Variants in CCDC171 observed in about 807,000 individuals in gnomAD.
CCDC171 encodes the protein coiled-coil domain-containing protein 171.
A neutral mutation model predicts 168.2 loss-of-function variants in CCDC171; 177 were observed. The ratio of observed to expected loss-of-function variants is 1.05; its 90% CI spans 0.93 to 1.19. The LOEUF is 1.19. CCDC171 is among the 50% of genes most tolerant of loss of function. The pLI is 0.00. For missense variants in CCDC171, 1,991 were observed against 1,539.0 expected, an observed-to-expected ratio of 1.29 and a Z score of -4.91; for synonymous variants, 687 against 540.8, an observed-to-expected ratio of 1.27 and a Z score of -3.75.
At position 15,666,248 on chromosome 9, in the gene CCDC171, A is replaced by G. The variant is rs887900660; in HGVS notation, c.1001A>G (p.Asn334Ser). ...GTTGCTGATTTGGAAATTATCAAGA[A>G]TGAATTCAAAGAAGTTGAAAGTGCA... ...EAVADLEIIK[N>S]EFKEVESAYE... The change falls in exon 9 of 26, where the codon AAT (asparagine) becomes AGT (serine). Residue 334 changes from asparagine (N) to serine (S), a missense_variant. Asn to Ser is a conservative substitution (Grantham distance 46). Transcript: ENST00000380701. 1.2e-6 allele frequency: 2 copies of G among 1,613,834 alleles called. No homozygotes were observed. Among genetic ancestry groups the G allele is most frequent in the Non-Finnish European group, 1.7e-6 (2 of 1,179,878 alleles).
chr9:15,834,620 G>T lies in CCDC171; in HGVS notation c.3268-12082G>T, dbSNP rs542651209. ...TGCTTTGATCTTATGGAGTGCTGGC[G>T]AGTATTATTTTCTATGTTTTAGTTC... On this transcript the variant is annotated intron_variant, in intron 21 of 25. Coordinates refer to ENST00000380701, the MANE Select transcript of CCDC171 (RefSeq NM_173550.4). 1.1e-3 allele frequency among the ~76,000 whole-genome samples: 164 copies of T among 152,254 alleles called. 1 individual carries two copies. The highest frequency in any genetic ancestry group is 3.9e-3 in the African/African-American group (161 of 41,556).
chr9:15,845,276 A>G (rs895386339), intron 21 of CCDC171, among the ~76,000 whole-genome samples: 1 of 152,032 alleles, frequency 6.6e-6, no homozygotes, highest in African/African-American at 2.4e-5. Flanking sequence ...ATCAGTGACT[A>G]TTTCTGTGGT....
At chr9:15,898,413 C>A (rs138844298) in intron 24 of CCDC171, among the ~76,000 whole-genome samples, 1 of 152,084 alleles carries the variant, frequency 6.6e-6, no homozygotes, top group South Asian at 2.1e-4. Context: ...GTGTTGCTAT[C>A]ACAGTCAGTG....
chr9:15,579,529 T>C (rs146499225), intron 4 of CCDC171, among the ~76,000 whole-genome samples: 222 of 152,324 alleles, frequency 1.5e-3, no homozygotes, highest in African/African-American at 5.2e-3. Context: ...ATGTAGCCCT[T>C]GGACTTAAAT....
intron 1 of CCDC171, among the ~76,000 whole-genome samples, chr9:16,052,294 G>A (rs1184348140): frequency 2.0e-5 from 3 of 152,090 alleles, no homozygotes; most frequent in South Asian, 2.1e-4. Context: ...TCTCCAGCAC[G>A]TCATCATGGG....
rs192863232 is a variant in CCDC171, at chr9:15,916,727, C to T, written c.3601-3543C>T. Among the ~76,000 whole-genome samples, 263 of 152,046 alleles carry T rather than the reference C, an allele frequency of 1.7e-3. 1 individual carries two copies. Among genetic ancestry groups the T allele is most frequent in the Admixed American group, 3.3e-3 (50 of 15,264 alleles). On this transcript the variant is annotated intron_variant, in intron 24 of 25. Transcript: ENST00000380701. Reference sequence around the variant, plus strand: ...TTATAACTTTTTATATTCTAATGCACGTACACTTTTAAAAAATGGATAGAT... The same window carrying T: ...TTATAACTTTTTATATTCTAATGCATGTACACTTTTAAAAAATGGATAGAT...
At chr9:16,050,753 G>A (rs563022150) in intron 1 of CCDC171, among the ~76,000 whole-genome samples, 5 of 152,284 alleles carry the variant, frequency 3.3e-5, no homozygotes, top group South Asian at 2.1e-4. Flanking sequence ...GTATATCTGC[G>A]TTTGTGAAAA....
chr9:16,017,887 G>A (rs1035746356), intron 3 of CCDC171, among the ~76,000 whole-genome samples: 2 of 152,158 alleles, frequency 1.3e-5, no homozygotes, highest in African/African-American at 2.4e-5. Context: ...GTCACAGAGA[G>A]AACTGCTCCT....
intron 5 of CCDC171, among the ~76,000 whole-genome samples, chr9:15,591,765 G>A (rs957228991): frequency 1.3e-5 from 2 of 151,928 alleles, no homozygotes; most frequent in East Asian, 1.9e-4. Context: ...AACGGTTTGC[G>A]GTCGCTAATC....
chr9:15,585,019 A>G (rs2041444777), intron 4 of CCDC171, among the ~76,000 whole-genome samples: 1 of 152,212 alleles, frequency 6.6e-6, no homozygotes, highest in Admixed American at 6.5e-5. Context: ...ATTGTCAGGG[A>G]AATGCAAATG....
chr9:15,744,368 A>G lies in CCDC171; in HGVS notation c.2145A>G (p.Lys715=), dbSNP rs1310970787. 2 of 1,614,148 alleles carry G rather than the reference A, an allele frequency of 1.2e-6. No homozygotes were observed. Among genetic ancestry groups the G allele is most frequent in the East Asian group, 2.2e-5 (1 of 44,880 alleles). The change falls in exon 17 of 26, where the codon AAA becomes AAG. Residue 715 remains lysine, a synonymous_variant. Transcript: ENST00000380701. ...QLVLENSHFK[K]LLSQTQREQM... is the part of the protein sequence containing the mutation. Reference sequence around the variant, plus strand: ...TTCTTGAAAATTCGCACTTCAAAAAACTGTTATCACAGACTCAAAGGGAAC... The same window carrying G: ...TTCTTGAAAATTCGCACTTCAAAAAGCTGTTATCACAGACTCAAAGGGAAC...
chr9:15,701,753 C>G (rs1312143136), intron 11 of CCDC171, among the ~76,000 whole-genome samples: 1 of 152,088 alleles, frequency 6.6e-6, no homozygotes, highest in East Asian at 1.9e-4. Context: ...ATGTAATATC[C>G]TAAATCCTTT....
intron 24 of CCDC171, among the ~76,000 whole-genome samples, chr9:15,893,616 A>G (rs928128057): frequency 3.3e-5 from 5 of 152,192 alleles, no homozygotes; most frequent in Admixed American, 6.6e-5. Context: ...AAAAGTGGGC[A>G]AAGAACATGA....
chr9:15,628,837 C>T (rs1229872536), intron 7 of CCDC171, among the ~76,000 whole-genome samples: 1 of 152,166 alleles, frequency 6.6e-6, no homozygotes, highest in Non-Finnish European at 1.5e-5. Context: ...ACAAAACTTC[C>T]AGAGGAACGA....
chr9:15,723,042 A>G (rs2134214462), intron 12 of CCDC171, among the ~76,000 whole-genome samples: 1 of 152,300 alleles, frequency 6.6e-6, no homozygotes, highest in South Asian at 2.1e-4. Flanking sequence ...TGGCTTAGTA[A>G]TGCGCTTTGT....
intron 1 of CCDC171, among the ~76,000 whole-genome samples, chr9:16,057,266 A>C (rs773117473): frequency 6.6e-6 from 1 of 152,224 alleles, no homozygotes; most frequent in Admixed American, 6.5e-5. Context: ...CAAAGTCACG[A>C]AACAAGAAGC....
intron 18 of CCDC171, among the ~76,000 whole-genome samples, chr9:15,766,736 G>A (rs952119321): frequency 6.7e-6 from 1 of 150,310 alleles, no homozygotes; most frequent in African/African-American, 2.4e-5. Context: ...GCTCACTGCA[G>A]CTTCAAATTT....
intron 21 of CCDC171, among the ~76,000 whole-genome samples, chr9:15,787,004 T>G (rs997915732): frequency 1.3e-5 from 2 of 152,312 alleles, no homozygotes; most frequent in African/African-American, 4.8e-5. Context: ...AACAGCCTTG[T>G]TGCTTACACA....
chr9:15,871,625 T>C (rs1413910625), intron 23 of CCDC171, among the ~76,000 whole-genome samples: 1 of 151,964 alleles, frequency 6.6e-6, no homozygotes, highest in African/African-American at 2.4e-5. Context: ...TCTTTTAATA[T>C]GTTAGTTACT....
Sources: gnomAD v4.1 joint callset for allele counts (sites outside exome capture counted in the v4.1 genomes callset) on GRCh38, gnomAD v4.1.1 for gene constraint, MANE v1.5 for transcripts, NCBI Gene and HGNC (gene_info 2026-07-23, HGNC 2026-07-21) for gene names.